Variants in ASIC2 observed in about 807,000 individuals in gnomAD.
ASIC2 encodes acid sensing ion channel subunit 2, also known as acid-sensing ion channel 2.
In ASIC2, 25 loss-of-function variants were observed where a neutral mutation model predicts 57.3. The ratio of observed to expected loss-of-function variants is 0.44; its 90% CI spans 0.32 to 0.61. The LOEUF (loss-of-function observed/expected upper bound fraction) is 0.61, where lower values mean the gene tolerates loss of function less well. Ranked by LOEUF, ASIC2 falls within the 20% of genes least tolerant of loss-of-function variation. ASIC2 has a pLI of 0.06. For missense variants in ASIC2, 641 were observed against 738.1 expected (o/e 0.87, Z 1.52); for synonymous variants, 319 against 307.5 (o/e 1.04, Z -0.39).
Position 33,997,587 on chromosome 17 carries a change from T to C in ASIC2, c.555+158391A>G, listed in dbSNP as rs563283771. 9.2e-5 allele frequency among the ~76,000 whole-genome samples: 14 copies of C among 152,276 alleles called. No individual in the cohort carries two copies. In the South Asian group the frequency reaches 2.9e-3, roughly 32 times the overall value. On this transcript the variant is annotated intron_variant, in intron 1 of 9. Transcript: ENST00000359872. ...GTTGAGAGTTTTTATCATGAAAGGATGTTGAATTTTATCAAATGCTTTTTC... is the reference window on the plus strand; with the variant it reads ...GTTGAGAGTTTTTATCATGAAAGGACGTTGAATTTTATCAAATGCTTTTTC...
At chr17:33,633,823 G>A (rs980294429) in intron 1 of ASIC2, among the ~76,000 whole-genome samples, 8 of 152,130 alleles carry the variant, frequency 5.3e-5, no homozygotes, top group Non-Finnish European at 1.2e-4. Flanking sequence ...GGGCTTTTAC[G>A]AAAGGCATGT....
intron 1 of ASIC2, among the ~76,000 whole-genome samples, chr17:33,565,335 T>C (rs914972672): frequency 1.3e-5 from 2 of 152,184 alleles, no homozygotes. Context: ...AAATTCTCAT[T>C]TTACAGGTGA....
intron 1 of ASIC2, among the ~76,000 whole-genome samples, chr17:33,813,610 G>C (rs902686260): frequency 1.3e-5 from 2 of 152,092 alleles, no homozygotes; most frequent in Non-Finnish European, 2.9e-5. Flanking sequence ...CTAATTTTTT[G>C]TATTTTTAGT....
rs2091834474 is a variant in ASIC2, at chr17:33,021,283, A to T, written c.1377T>A (p.Phe459Leu). 1.2e-6 allele frequency: 2 copies of T among 1,612,574 alleles called. No individual in the cohort carries two copies. The highest frequency in any genetic ancestry group is 1.7e-6 in the Non-Finnish European group (2 of 1,179,810). ...TTGTCTCATAATTGAGAGCTTCAAA[A>T]AATATATCCAGAACAAGGATGTTCT... is the stretch of plus-strand genomic sequence containing the variant. ...ISENILVLDI[F>L]FEALNYETIE... The change falls in exon 7 of 10, where the codon TTT becomes TTA. Residue 459 changes from phenylalanine to leucine, a missense_variant. Phe to Leu is a conservative substitution (Grantham distance 22, BLOSUM62 0). Coordinates refer to ENST00000225823, the MANE Select transcript of ASIC2 (RefSeq NM_183377.2).
At chr17:33,379,063 A>G (rs559747221) in intron 1 of ASIC2, among the ~76,000 whole-genome samples, 7 of 152,322 alleles carry the variant, frequency 4.6e-5, no homozygotes, top group African/African-American at 1.7e-4. Context: ...TTTAAGGGTT[A>G]TTGGAGCATT....
chr17:33,970,691 G>A (rs1905203650), intron 1 of ASIC2, among the ~76,000 whole-genome samples: 1 of 152,212 alleles, frequency 6.6e-6, no homozygotes. Flanking sequence ...GTGAAGAGTT[G>A]TAAGCACTCA....
At chr17:33,592,033 T>C (rs1000764055) in intron 1 of ASIC2, among the ~76,000 whole-genome samples, 1 of 152,134 alleles carries the variant, frequency 6.6e-6, no homozygotes, top group African/African-American at 2.4e-5. Context: ...AGTTTCCCAT[T>C]CTCTGGCTCC....
intron 1 of ASIC2, among the ~76,000 whole-genome samples, chr17:33,642,041 G>A (rs916359251): frequency 6.6e-6 from 1 of 152,122 alleles, no homozygotes; most frequent in Non-Finnish European, 1.5e-5. Flanking sequence ...TCCTAGGACA[G>A]GACTAATACA....
intron 1 of ASIC2, among the ~76,000 whole-genome samples, chr17:33,766,522 C>T (rs1284744143): frequency 6.6e-6 from 1 of 152,226 alleles, no homozygotes; most frequent in East Asian, 1.9e-4. Flanking sequence ...TCAGACTTCT[C>T]AACCTCCATG....
chr17:33,109,628 T>A (rs2092248734), intron 2 of ASIC2, among the ~76,000 whole-genome samples: 1 of 152,150 alleles, frequency 6.6e-6, no homozygotes, highest in Non-Finnish European at 1.5e-5. Flanking sequence ...AAAGATGGGG[T>A]CTTTTCTCAT....
At chr17:33,171,056 G>C (rs1905501442) in intron 1 of ASIC2, among the ~76,000 whole-genome samples, 1 of 152,158 alleles carries the variant, frequency 6.6e-6, no homozygotes. Context: ...TCCAACATCT[G>C]CATGTTCAAG....
At chr17:33,542,028 C>A (rs1915427667) in intron 1 of ASIC2, among the ~76,000 whole-genome samples, 1 of 152,118 alleles carries the variant, frequency 6.6e-6, no homozygotes, top group Non-Finnish European at 1.5e-5. Flanking sequence ...ACAACAAGAC[C>A]AATGAATGCA....
At chr17:34,136,236 TTTTAC>T (rs1415512771) in intron 1 of ASIC2, among the ~76,000 whole-genome samples, 1 of 152,196 alleles carries the variant, frequency 6.6e-6, no homozygotes, top group Non-Finnish European at 1.5e-5. Context: ...AATCTCAGTA[TTTTAC>T]CCCAAAATAC....
At chr17:34,015,767 T>A (rs541853549) in intron 1 of ASIC2, among the ~76,000 whole-genome samples, 2 of 152,378 alleles carry the variant, frequency 1.3e-5, no homozygotes, top group Admixed American at 1.3e-4. Flanking sequence ...CCTTTGGTCC[T>A]TGTGAAATAG....
At chr17:33,361,516 G>A (rs1052411402) in intron 1 of ASIC2, among the ~76,000 whole-genome samples, 1 of 152,196 alleles carries the variant, frequency 6.6e-6, no homozygotes, top group Non-Finnish European at 1.5e-5. Context: ...CTGGAAGTCT[G>A]GTTTTTAAAT....
intron 1 of ASIC2, among the ~76,000 whole-genome samples, chr17:33,248,950 C>T (rs1908788903): frequency 6.6e-6 from 1 of 152,142 alleles, no homozygotes; most frequent in African/African-American, 2.4e-5. Context: ...CATGACCCAG[C>T]CTCCTACAGG....
At chr17:33,731,558 A>G (rs1391203245) in intron 1 of ASIC2, among the ~76,000 whole-genome samples, 1 of 152,222 alleles carries the variant, frequency 6.6e-6, no homozygotes, top group Non-Finnish European at 1.5e-5. Context: ...AGTAATTAGA[A>G]AGAGCTAGGA....
At chr17:33,230,078 ACCC>A (rs1908030785) in intron 1 of ASIC2, among the ~76,000 whole-genome samples, 1 of 152,064 alleles carries the variant, frequency 6.6e-6, no homozygotes, top group Admixed American at 6.6e-5. Flanking sequence ...CCCAGGTGAG[ACCC>A]CTGCTGTTTC....
chr17:33,433,473 C>T lies in ASIC2; in HGVS notation c.556-321406G>A, dbSNP rs139339579. ...GTATTAGGCTTAATACCTTGATGAC[C>T]GGCCAGGCACAGTGGCTCACGCCTG... On this transcript the variant is annotated intron_variant, in intron 1 of 9. Transcript: ENST00000359872. Among the ~76,000 whole-genome samples the T allele has an allele frequency of 7.9e-5, 12 of 152,202 alleles. No homozygotes were observed. In the East Asian group the frequency reaches 1.9e-3, roughly 25 times the overall value.
Sources: allele counts gnomAD v4.1 joint callset (sites outside exome capture counted in the v4.1 genomes callset), GRCh38; gene constraint gnomAD v4.1.1; transcripts MANE v1.5; gene names NCBI Gene and HGNC (gene_info 2026-07-23, HGNC 2026-07-21).